Variants in URGCP observed in about 807,000 individuals in gnomAD.
URGCP encodes the protein up-regulator of cell proliferation.
Under a neutral mutation model 24.6 loss-of-function variants are expected in URGCP, and 13 were observed. The observed-to-expected ratio is 0.53, with a 90% CI of 0.34 to 0.84. The LOEUF is 0.84. Ranked by LOEUF, URGCP falls within the 40% of genes least tolerant of loss-of-function variation. URGCP has a pLI of 0.01. For synonymous variants in URGCP, 444 were observed against 487.2 expected (o/e 0.91, Z 1.17); for missense variants, 899 against 1,194.3 (o/e 0.75, Z 3.64).
chr7:43,897,607 A>AT lies in URGCP; in HGVS notation c.14+8954dup, dbSNP rs201969414. On this transcript the variant is annotated intron_variant, in intron 1 of 5. Coordinates refer to ENST00000453200, the MANE Select transcript of URGCP (RefSeq NM_001077663.3). ...GAGAAAAAAAATAAAAATAAAAAAG[A>AT]TTTTTTAAAAAAAGGTTCTGGCTGT... 1.0e-2 allele frequency among the ~76,000 whole-genome samples: 1,520 copies of AT among 152,246 alleles called. 12 individuals carry two copies. Among genetic ancestry groups the AT allele is most frequent in the Non-Finnish European group, 0.016 (1,059 of 68,022 alleles).
chr7:43,919,616 C>G, intron 1 of URGCP: 1 of 1,403,808 alleles, frequency 7.1e-7, no homozygotes, highest in Non-Finnish European at 1.0e-6. Flanking sequence ...TGATGGTATC[C>G]ACAGGCCGAG....
chr7:43,898,746 AAAATAAATAAAT>A (rs71563928), intron 1 of URGCP, among the ~76,000 whole-genome samples: 12,734 of 143,794 alleles, frequency 0.089, 714 homozygotes, highest in Middle Eastern at 0.14. Context: ...CCCTGTCTCA[AAAATAAATAAAT>A]AAATAAATAA....
Position 43,881,615 on chromosome 7 carries a change from C to T in URGCP, c.202+44G>A, listed in dbSNP as rs776684279. The T allele has an allele frequency of 6.2e-6, 10 of 1,613,146 alleles. No individual in the cohort carries two copies. The Admixed American group carries it at 1.5e-4, about 24-fold the overall frequency. On this transcript the variant is annotated intron_variant, in intron 5 of 5. Transcript: ENST00000453200. ...TGGGAACTGCTGGCCTAGATGATAACCCCCTTTCATAGAACAGAGAGAAAA... is the reference window on the plus strand; with the variant it reads ...TGGGAACTGCTGGCCTAGATGATAATCCCCTTTCATAGAACAGAGAGAAAA...
chr7:43,922,751 A>T (rs967395651), intron 1 of URGCP, among the ~76,000 whole-genome samples: 3 of 151,322 alleles, frequency 2.0e-5, no homozygotes, highest in East Asian at 2.0e-4. Context: ...AAGAAAAAAA[A>T]TTTTTTTTCT....
At chr7:43,899,187 AAT>A (rs2095885016) in intron 1 of URGCP, among the ~76,000 whole-genome samples, 1 of 147,690 alleles carries the variant, frequency 6.8e-6, no homozygotes, top group African/African-American at 2.5e-5. Context: ...ATATATTTAT[AAT>A]ATATGCCTTA....
rs974896785 is a variant in URGCP, at chr7:43,876,026, T to C, written c.*641A>G. 3 of 154,464 alleles carry C rather than the reference T, an allele frequency of 1.9e-5. No homozygotes were observed. Among genetic ancestry groups the C allele is most frequent in the African/African-American group, 7.2e-5 (3 of 41,478 alleles). 9.6% of individuals were successfully genotyped at this position (154,464 alleles called of 1,614,324 possible). On this transcript the variant is annotated 3_prime_UTR_variant, in exon 6 of 6. Transcript: ENST00000453200. ...AGCTCACAGTCTGGGGGGACAGACATGTAAACACATGAGTTACAACGCGCT... is the reference window on the plus strand; with the variant it reads ...AGCTCACAGTCTGGGGGGACAGACACGTAAACACATGAGTTACAACGCGCT...
upstream of URGCP, chr7:43,926,424 C>A: frequency 1.9e-6 from 2 of 1,028,860 alleles, no homozygotes; most frequent in South Asian, 3.9e-5. Context: ...CCCGCGCGCG[C>A]AAGCGCAGGC....
intron 1 of URGCP, among the ~76,000 whole-genome samples, chr7:43,894,618 C>G (rs928314884): frequency 1.4e-4 from 21 of 152,046 alleles, no homozygotes; most frequent in African/African-American, 4.6e-4. Context: ...TCTCGGTCTC[C>G]CAAAGTGCTG....
intron 1 of URGCP, among the ~76,000 whole-genome samples, chr7:43,901,262 G>A (rs1303242819): frequency 6.6e-6 from 1 of 152,240 alleles, no homozygotes; most frequent in African/African-American, 2.4e-5. Flanking sequence ...TCTCCCCTGA[G>A]CTGGGGTGGG....
upstream of URGCP, chr7:43,906,845 G>T: frequency 4.0e-6 from 1 of 250,038 alleles, no homozygotes; most frequent in Non-Finnish European, 7.5e-6. Flanking sequence ...GAACTCGCCG[G>T]GCGGTGCCTG....
intron 1 of URGCP, among the ~76,000 whole-genome samples, chr7:43,892,422 A>G (rs1585809560): frequency 6.9e-6 from 1 of 144,260 alleles, no homozygotes; most frequent in African/African-American, 2.5e-5. Context: ...AACAGCCCCA[A>G]TTTTTTTTTT....
At chr7:43,900,101 T>C (rs184945893) in intron 1 of URGCP, among the ~76,000 whole-genome samples, 1 of 150,774 alleles carries the variant, frequency 6.6e-6, no homozygotes, top group East Asian at 2.0e-4. Context: ...GCCATGTTGT[T>C]GCCATTGCAC....
chr7:43,900,469 C>CAAAAAAAAAAAAAAAA (rs759728715), intron 1 of URGCP, among the ~76,000 whole-genome samples: 9 of 114,486 alleles, frequency 7.9e-5, no homozygotes, highest in Admixed American at 1.8e-4. Flanking sequence ...AAAACCAAAA[C>CAAAAAAAAAAAAAAAA]AAAAAAAAAA....
Position 43,900,466 on chromosome 7 carries a change from AAAC to A in URGCP, c.14+6093_14+6095del, listed in dbSNP as rs1198957325. On this transcript the variant is annotated intron_variant, in intron 1 of 5. Transcript: ENST00000453200. Reference sequence around the variant, plus strand: ...TGAGACCCTGCCTCAAAAAAAACCAAAACAAAAAAAAAAAAAAAAAGAAAAAGA... The same window carrying A: ...TGAGACCCTGCCTCAAAAAAAACCAAAAAAAAAAAAAAAAAAAGAAAAAGA... 1.1e-3 allele frequency among the ~76,000 whole-genome samples: 104 copies of A among 94,964 alleles called. 3 individuals are homozygous for A. In the East Asian group the frequency reaches 0.027, roughly 24 times the overall value. The allele number at this position is 94,964 out of a possible 152,430, so 62.3% of individuals were successfully genotyped here. A position where few individuals can be genotyped will look rare whatever the true frequency, so the allele number is the denominator to read the frequency against.
chr7:43,900,469 C>CAAAAAAAAAAAAA (rs759728715), intron 1 of URGCP, among the ~76,000 whole-genome samples: 11 of 114,470 alleles, frequency 9.6e-5, no homozygotes, highest in Middle Eastern at 4.4e-3. Context: ...AAAACCAAAA[C>CAAAAAAAAAAAAA]AAAAAAAAAA....
chr7:43,895,742 G>A (rs191334536), intron 1 of URGCP, among the ~76,000 whole-genome samples: 155 of 152,298 alleles, frequency 1.0e-3, no homozygotes, highest in African/African-American at 3.5e-3. Flanking sequence ...ATACACTGTG[G>A]GAATGTAAGT....
upstream of URGCP, among the ~76,000 whole-genome samples, chr7:43,908,377 C>G (rs1163867906): frequency 6.6e-6 from 1 of 152,114 alleles, no homozygotes; most frequent in East Asian, 1.9e-4. Flanking sequence ...CATGCCTGGC[C>G]TAAATAAGCA....
At position 43,919,649 on chromosome 7, in the gene URGCP, C is replaced by T. The variant is rs950205955; in HGVS notation, c.-116+6483G>A. 5.8e-6 allele frequency: 8 copies of T among 1,372,888 alleles called. No individual in the cohort carries two copies. The African/African-American group carries it at 1.1e-4, about 20-fold the overall frequency. 85.0% of individuals were successfully genotyped at this position (1,372,888 alleles called of 1,614,324 possible). A position where few individuals can be genotyped will look rare whatever the true frequency, so the allele number is the denominator to read the frequency against. On this transcript the variant is annotated intron_variant, in intron 1 of 5. Coordinates refer to the URGCP transcript ENST00000426198. The stretch of plus-strand genomic sequence containing the variant: ...GAGACCGCCAGACCAACCACTCCTA[C>T]ATCACCATCCTCAACACCATCCAGG...
intron 1 of URGCP, among the ~76,000 whole-genome samples, chr7:43,903,609 G>A (rs1374667639): frequency 6.6e-6 from 1 of 152,150 alleles, no homozygotes; most frequent in African/African-American, 2.4e-5. Flanking sequence ...AGTTGGAAAT[G>A]AAAATCTGGA....
Sources: allele counts gnomAD v4.1 joint callset (sites outside exome capture counted in the v4.1 genomes callset), GRCh38; gene constraint gnomAD v4.1.1; transcripts MANE v1.5; gene names NCBI Gene and HGNC (gene_info 2026-07-23, HGNC 2026-07-21).